The following MYO18B variants were observed in gnomAD, a reference collection of about 807,000 sequenced individuals.
MYO18B encodes unconventional myosin-XVIIIb.
In MYO18B, 204 loss-of-function variants were observed where a neutral mutation model predicts 273.0. The ratio of observed to expected loss-of-function variants is 0.75; its 90% CI spans 0.67 to 0.84. MYO18B has a LOEUF of 0.84. MYO18B is among the 40% of genes least tolerant of loss of function. The pLI is 0.00. For missense variants in MYO18B, 3,212 were observed against 3,287.6 expected (o/e 0.98, Z 0.56); for synonymous variants, 1,330 against 1,305.7 (o/e 1.02, Z -0.40).
chr22:25,827,205 G>A (rs1391056363), intron 14 of MYO18B, among the ~76,000 whole-genome samples: 1 of 152,168 alleles, frequency 6.6e-6, no homozygotes, highest in African/African-American at 2.4e-5. Context: ...ACTCACATGG[G>A]CCCATTGTAC....
chr22:25,822,021 G>T (rs1457664978), intron 12 of MYO18B, among the ~76,000 whole-genome samples: 1 of 152,168 alleles, frequency 6.6e-6, no homozygotes, highest in Non-Finnish European at 1.5e-5. Context: ...GCATTCAGGT[G>T]TAAGCATTGT....
rs1042100621 is a variant in MYO18B at position 25,781,926 on chromosome 22, T to C, written c.2312+92T>C. Reference sequence around the variant, plus strand: ...CCCAGCCTTAGCTTCTGCCCAGCACTGAGAGGCCGTGGGACCCAGGGATTA... The same window carrying C: ...CCCAGCCTTAGCTTCTGCCCAGCACCGAGAGGCCGTGGGACCCAGGGATTA... On this transcript the variant is annotated intron_variant, in intron 10 of 43. Coordinates refer to ENST00000335473, the MANE Select transcript of MYO18B (RefSeq NM_032608.7). 5 of 820,282 alleles carry C rather than the reference T, an allele frequency of 6.1e-6. No individual in the cohort carries two copies. In the Admixed American group the frequency reaches 2.0e-4, roughly 32 times the overall value. The allele number at this position is 820,282 out of a possible 1,614,324, so 50.8% of individuals were successfully genotyped here. A position where few individuals can be genotyped will look rare whatever the true frequency, so the allele number is the denominator to read the frequency against.
Position 25,902,881 on chromosome 22 carries a change from TTAA to T in MYO18B, c.4947+149_4947+151del, listed in dbSNP as rs1032957882. 2.3e-5 allele frequency: 20 copies of T among 882,926 alleles called. No individual in the cohort carries two copies. The Admixed American group carries it at 5.4e-4, about 24-fold the overall frequency. 54.7% of individuals were successfully genotyped at this position (882,926 alleles called of 1,614,324 possible). A position where few individuals can be genotyped will look rare whatever the true frequency, so the allele number is the denominator to read the frequency against. On this transcript the variant is annotated intron_variant, in intron 30 of 43. Coordinates refer to ENST00000335473, the MANE Select transcript of MYO18B (RefSeq NM_032608.7). ...TCAAGCAGCTGAATCCCAGTGTGTC[TTAA>T]TAAAATAGCAAATGGTGGCTGGTAA...
chr22:26,026,207 T>C (rs544975760), intron 42 of MYO18B, among the ~76,000 whole-genome samples: 19 of 152,332 alleles, frequency 1.2e-4, no homozygotes, highest in African/African-American at 4.6e-4. Flanking sequence ...TTTAATCTAC[T>C]CAAATGTACT....
the MYO18B span, among the ~76,000 whole-genome samples, chr22:26,063,725 C>T: frequency 1.3e-5 from 2 of 152,184 alleles, no homozygotes; most frequent in Admixed American, 6.5e-5. Context: ...CTATGTTTTC[C>T]TTCGACCATT....
At position 25,883,965 on chromosome 22, in the gene MYO18B, A is replaced by C. The variant is rs1027671734; in HGVS notation, c.4314+5917A>C. 6.6e-6 allele frequency among the ~76,000 whole-genome samples: 1 copy of C among 152,026 alleles called. No homozygotes were observed. Among genetic ancestry groups the C allele is most frequent in the African/African-American group, 2.4e-5 (1 of 41,372 alleles). On this transcript the variant is annotated intron_variant, in intron 25 of 43. Coordinates refer to ENST00000335473, the MANE Select transcript of MYO18B (RefSeq NM_032608.7). This position sits in a 1 kb window ranked among gnomAD's most constrained non-coding sequence, Gnocchi z 7.6. Reference sequence around the variant, plus strand: ...CAGTGCTGGCCTTCTTGTTGGAAGCACCTGTAAGGTTTTGGGACCACATGG... The same window carrying C: ...CAGTGCTGGCCTTCTTGTTGGAAGCCCCTGTAAGGTTTTGGGACCACATGG...
chr22:25,903,523 G>GA, intron 30 of MYO18B, 108 bp from the exon 31 acceptor site: 1 of 1,162,652 alleles, frequency 8.6e-7, no homozygotes, highest in Non-Finnish European at 1.2e-6. Flanking sequence ...GCAGGCATTG[G>GA]AAAGTGGAAA....
At chr22:25,790,017 G>A (rs2087587983) in intron 11 of MYO18B, among the ~76,000 whole-genome samples, 1 of 152,184 alleles carries the variant, frequency 6.6e-6, no homozygotes, top group South Asian at 2.1e-4. Context: ...GCCGGACGTG[G>A]TGGCGGGTGC....
intron 12 of MYO18B, among the ~76,000 whole-genome samples, chr22:25,803,491 C>T (rs5761217): frequency 0.067 from 10,115 of 151,990 alleles, 580 homozygotes; most frequent in East Asian, 0.21. Flanking sequence ...AACTGGCTTG[C>T]ACAACAGGTA....
At chr22:25,798,476 A>G (rs902525998) in intron 12 of MYO18B, among the ~76,000 whole-genome samples, 2 of 152,174 alleles carry the variant, frequency 1.3e-5, no homozygotes, top group Admixed American at 6.5e-5. Flanking sequence ...GCCAGTGGCT[A>G]CTGTACTGGC....
intron 1 of MYO18B, among the ~76,000 whole-genome samples, chr22:25,749,606 G>A (rs1207679444): frequency 1.3e-5 from 2 of 152,222 alleles, no homozygotes; most frequent in Non-Finnish European, 2.9e-5. Flanking sequence ...GGAGCACAAT[G>A]CCTAGTGGTC....
chr22:25,898,486 C>T, intron 29 of MYO18B, 25 bp downstream of exon 29: 1 of 1,609,910 alleles, frequency 6.2e-7, no homozygotes, highest in Non-Finnish European at 8.5e-7. Context: ...TCACCATCAC[C>T]TGGGCTGCCA....
intron 17 of MYO18B, among the ~76,000 whole-genome samples, chr22:25,841,800 T>C (rs924948522): frequency 6.6e-6 from 1 of 152,190 alleles, no homozygotes; most frequent in Non-Finnish European, 1.5e-5. Context: ...CAGTCCCTGC[T>C]CTCCAGTTGC....
At chr22:25,905,415 A>T (rs113723573) in intron 31 of MYO18B, among the ~76,000 whole-genome samples, 28 of 152,336 alleles carry the variant, frequency 1.8e-4, no homozygotes, top group African/African-American at 6.7e-4. Flanking sequence ...AATAAGACAG[A>T]CACAATCTCT....
chr22:26,037,734 G>A, the MYO18B span, among the ~76,000 whole-genome samples: 1 of 152,198 alleles, frequency 6.6e-6, no homozygotes, highest in East Asian at 1.9e-4. Context: ...CCATGTTTGA[G>A]GGAACCCAAT....
rs761201347 is a variant in MYO18B, at chr22:25,876,325, C to G, written c.4217C>G (p.Ala1406Gly). Residue 1406 changes from alanine (A) to glycine (G), a missense_variant, in exon 24 of 44, where the codon GCC becomes GGC. Ala to Gly is a moderately conservative substitution (Grantham distance 60). Transcript: ENST00000335473. ...ACCATTGGAACTGAGCAGCTCCGAG[C>G]CAAGGAGGTCAGTCTATGTGGCAGG... ...SATIGTEQLRAKEEELTTLRR... is the reference protein window; with the variant it reads ...SATIGTEQLRGKEEELTTLRR... The G allele has an allele frequency of 9.4e-5, 151 of 1,610,144 alleles. No homozygotes were observed. Among genetic ancestry groups the G allele is most frequent in the Non-Finnish European group, 1.2e-4 (144 of 1,177,868 alleles).
chr22:25,932,608 C>G (rs1430939630), intron 34 of MYO18B, among the ~76,000 whole-genome samples: 1 of 151,954 alleles, frequency 6.6e-6, no homozygotes, highest in African/African-American at 2.4e-5. Context: ...CGGGATTTCT[C>G]CACGTTGGTC....
chr22:25,832,524 A>G (rs1427080599), intron 15 of MYO18B, among the ~76,000 whole-genome samples: 1 of 152,200 alleles, frequency 6.6e-6, no homozygotes, highest in Non-Finnish European at 1.5e-5. Flanking sequence ...GTCAGACACA[A>G]AAGGACAAAT....
intron 39 of MYO18B, among the ~76,000 whole-genome samples, chr22:25,991,405 A>G (rs188630916): frequency 6.6e-6 from 1 of 152,300 alleles, no homozygotes; most frequent in East Asian, 1.9e-4. Flanking sequence ...TACCCACCAG[A>G]TGCCAGCAGC....
Sources: gnomAD v4.1 joint callset for allele counts (sites outside exome capture counted in the v4.1 genomes callset) on GRCh38, gnomAD v4.1.1 for gene constraint, Gnocchi (gnomAD v3.1) non-coding constraint, MANE v1.5 for transcripts, NCBI Gene and HGNC (gene_info 2026-07-23, HGNC 2026-07-21) for gene names.